Variants in ATP8A2 observed in about 807,000 individuals in gnomAD.
ATP8A2 encodes the protein ATPase phospholipid transporting 8A2.
A neutral mutation model predicts 165.6 loss-of-function variants in ATP8A2; 100 were observed. The ratio of observed to expected loss-of-function variants is 0.60; its 90% CI spans 0.51 to 0.71. The LOEUF (loss-of-function observed/expected upper bound fraction) is 0.71, where lower values mean the gene tolerates loss of function less well. Ranked by LOEUF, ATP8A2 falls within the 30% of genes least tolerant of loss-of-function variation. ATP8A2 has a pLI of 0.00. For missense variants in ATP8A2, 1,227 were observed against 1,479.5 expected, an observed-to-expected ratio of 0.83 and a Z score of 2.80; for synonymous variants, 543 against 548.8, an observed-to-expected ratio of 0.99 and a Z score of 0.15.
intron 24 of ATP8A2, among the ~76,000 whole-genome samples, chr13:25,635,957 C>T (rs945318425): frequency 7.9e-5 from 12 of 152,062 alleles, no homozygotes; most frequent in Non-Finnish European, 1.6e-4. Context: ...TCCTGTTCTG[C>T]GGGGATTCAC....
At chr13:25,486,990 T>C (rs1190749830) in intron 2 of ATP8A2, among the ~76,000 whole-genome samples, 1 of 152,096 alleles carries the variant, frequency 6.6e-6, no homozygotes, top group Non-Finnish European at 1.5e-5. Flanking sequence ...ATAGTAATAA[T>C]ATAACAAATA....
chr13:25,699,479 T>G lies in ATP8A2; in HGVS notation c.2384+134T>G, dbSNP rs74042150. ...AAAAAGGCAAAACAAAAATACAAAT[T>G]TATTTTTAACTGTTGGTGCACAGAT... On this transcript the variant is annotated intron_variant, in intron 25 of 36. Coordinates refer to ENST00000381655, the MANE Select transcript of ATP8A2 (RefSeq NM_016529.6). 3,396 of 695,262 alleles carry G rather than the reference T, an allele frequency of 4.9e-3. 83 individuals are homozygous for G. In the African/African-American group the frequency reaches 0.057, roughly 12 times the overall value. The allele number at this position is 695,262 out of a possible 1,614,324, so 43.1% of individuals were successfully genotyped here.
At chr13:25,871,654 C>T (rs1420401024) in intron 33 of ATP8A2, among the ~76,000 whole-genome samples, 1 of 152,154 alleles carries the variant, frequency 6.6e-6, no homozygotes, top group Non-Finnish European at 1.5e-5. Flanking sequence ...ACTGAACAGA[C>T]TTAAAAGTAG....
intron 27 of ATP8A2, among the ~76,000 whole-genome samples, chr13:25,775,923 C>T (rs1286990854): frequency 6.6e-6 from 1 of 152,292 alleles, no homozygotes; most frequent in Middle Eastern, 3.4e-3. Flanking sequence ...TAACTAACTA[C>T]TTCTTTACCC....
intron 1 of ATP8A2, among the ~76,000 whole-genome samples, chr13:25,427,713 G>A (rs539781942): frequency 2.2e-4 from 33 of 152,070 alleles, no homozygotes; most frequent in African/African-American, 8.0e-4. Context: ...GGCCAACATG[G>A]TGAAACCTCA....
intron 33 of ATP8A2, among the ~76,000 whole-genome samples, chr13:25,889,585 T>A (rs1209732705): frequency 6.6e-6 from 1 of 151,916 alleles, no homozygotes; most frequent in Non-Finnish European, 1.5e-5. Flanking sequence ...TCCTGTTAGA[T>A]GTCAGTATCA....
At position 25,415,557 on chromosome 13, in the gene ATP8A2, C is replaced by T. The variant is rs78584136; in HGVS notation, c.76+43269C>T. 8.6e-3 allele frequency among the ~76,000 whole-genome samples: 1,316 copies of T among 152,276 alleles called. 25 individuals carry two copies. Among genetic ancestry groups the T allele is most frequent in the African/African-American group, 0.03 (1,252 of 41,556 alleles). ...AGTGGCTTTTTTAGTTTTATGTAGA[C>T]GGAAACCAGAGCTCAACAGGGTAAA... On this transcript the variant is annotated intron_variant, in intron 1 of 36. Coordinates refer to ENST00000381655, the MANE Select transcript of ATP8A2 (RefSeq NM_016529.6).
intron 33 of ATP8A2, among the ~76,000 whole-genome samples, chr13:25,954,612 T>C (rs1217327608): frequency 2.0e-5 from 3 of 152,174 alleles, no homozygotes. Context: ...ACAAGAGAGC[T>C]CTGACTGGCA....
intron 2 of ATP8A2, among the ~76,000 whole-genome samples, chr13:25,523,838 CT>C (rs985621738): frequency 3.3e-5 from 5 of 151,954 alleles, no homozygotes; most frequent in African/African-American, 9.6e-5. Context: ...ATCTTTTGTA[CT>C]TTTTTTAGTC....
At chr13:25,484,226 C>T (rs1311319314) in intron 2 of ATP8A2, among the ~76,000 whole-genome samples, 1 of 152,208 alleles carries the variant, frequency 6.6e-6, no homozygotes, top group Admixed American at 6.5e-5. Flanking sequence ...GACACCTCCT[C>T]CTGCAAACAA....
intron 27 of ATP8A2, among the ~76,000 whole-genome samples, chr13:25,800,698 G>A (rs1487386635): frequency 6.6e-6 from 1 of 152,080 alleles, no homozygotes; most frequent in African/African-American, 2.4e-5. Context: ...CTGGGCGATC[G>A]CCGTCATGCT....
chr13:25,711,763 A>T (rs2043164038), intron 25 of ATP8A2, among the ~76,000 whole-genome samples: 1 of 152,186 alleles, frequency 6.6e-6, no homozygotes, highest in Non-Finnish European at 1.5e-5. Flanking sequence ...ATGGACTATG[A>T]TCCAGATTTA....
chr13:25,540,986 C>T (rs913572298), intron 8 of ATP8A2, among the ~76,000 whole-genome samples: 6 of 151,664 alleles, frequency 4.0e-5, no homozygotes, highest in East Asian at 1.9e-4. Flanking sequence ...CTTAGCCTCC[C>T]GAGTAGCTGG....
chr13:25,554,969 T>G, intron 12 of ATP8A2, 22 bp from the exon 13 acceptor site: 1 of 1,480,556 alleles, frequency 6.8e-7, no homozygotes, highest in Non-Finnish European at 9.4e-7. Context: ...TGAAATCCTG[T>G]CTCTTGTTCT....
At chr13:25,846,480 G>A (rs1297295523) in intron 30 of ATP8A2, among the ~76,000 whole-genome samples, 1 of 152,142 alleles carries the variant, frequency 6.6e-6, no homozygotes, top group Non-Finnish European at 1.5e-5. Flanking sequence ...GTTTCAGGTT[G>A]CAGGAATAGA....
At chr13:25,409,741 G>A (rs1037708845) in intron 1 of ATP8A2, among the ~76,000 whole-genome samples, 10 of 152,050 alleles carry the variant, frequency 6.6e-5, no homozygotes, top group African/African-American at 1.9e-4. Flanking sequence ...TAGAATTTTT[G>A]TATTGCAGTG....
At chr13:25,851,565 AG>A (rs1952009963) in intron 30 of ATP8A2, among the ~76,000 whole-genome samples, 1 of 150,348 alleles carries the variant, frequency 6.7e-6, no homozygotes, top group South Asian at 2.1e-4. Context: ...CCTGGGTGAC[AG>A]AGTGTGACTC....
intron 1 of ATP8A2, among the ~76,000 whole-genome samples, chr13:25,388,874 G>A (rs1365279206): frequency 6.6e-6 from 1 of 152,124 alleles, no homozygotes; most frequent in Non-Finnish European, 1.5e-5. Context: ...ACAGGCTGAA[G>A]GAAATGATGT....
chr13:25,436,201 A>G (rs74935327), intron 1 of ATP8A2, among the ~76,000 whole-genome samples: 2,677 of 152,030 alleles, frequency 0.018, 84 homozygotes, highest in African/African-American at 0.061. Flanking sequence ...GGTTTGGGGT[A>G]TGGATGATCC....
Sources: gnomAD v4.1 joint callset for allele counts (sites outside exome capture counted in the v4.1 genomes callset) on GRCh38, gnomAD v4.1.1 for gene constraint, MANE v1.5 for transcripts, NCBI Gene and HGNC (gene_info 2026-07-23, HGNC 2026-07-21) for gene names.